Variants in TMEM132B observed in about 807,000 individuals in gnomAD.
The protein encoded by TMEM132B is transmembrane protein 132B.
TMEM132B carries 18 observed loss-of-function variants against 90.8 expected under a neutral mutation model. The observed-to-expected ratio is 0.20, with a 90% CI of 0.14 to 0.29. The LOEUF is 0.29. TMEM132B is among the 10% of genes least tolerant of loss of function. The pLI is 1.00. For synonymous variants in TMEM132B, 504 were observed against 523.3 expected (o/e 0.96, Z 0.50); for missense variants, 1,096 against 1,326.8 (o/e 0.83, Z 2.70).
At chr12:125,440,285 A>G (rs1352434195) in intron 3 of TMEM132B, among the ~76,000 whole-genome samples, 1 of 152,190 alleles carries the variant, frequency 6.6e-6, no homozygotes, top group African/African-American at 2.4e-5. Context: ...AGAAACACTC[A>G]CACCATTTAA....
intron 1 of TMEM132B, among the ~76,000 whole-genome samples, chr12:125,241,529 C>T (rs1181561821): frequency 2.6e-5 from 4 of 152,176 alleles, no homozygotes; most frequent in South Asian, 2.1e-4. Flanking sequence ...GGATGTGACT[C>T]GTGACTCGAG....
In TMEM132B at chr12:125,246,313, G is replaced by T. The variant is rs959055025; in HGVS notation, c.67+59447G>T. 6.6e-6 allele frequency among the ~76,000 whole-genome samples: 1 copy of T among 152,170 alleles called. No homozygotes were observed. Among genetic ancestry groups the T allele is most frequent in the Non-Finnish European group, 1.5e-5 (1 of 68,034 alleles). ...TTCCCTGCCACAGGGAACTCAAGCC[G>T]GTTTGGAGTTAGGGAGCAAGTTGAT... On this transcript the variant is annotated intron_variant, in intron 1 of 8. Transcript: ENST00000682704. This position sits in a 1 kb window ranked among gnomAD's most constrained non-coding sequence, Gnocchi z 4.2.
Position 125,629,750 on chromosome 12 carries a change from A to G in TMEM132B, c.1438-14326A>G, listed in dbSNP as rs1453124539. On this transcript the variant is annotated intron_variant, in intron 5 of 8. Coordinates refer to ENST00000682704, the MANE Select transcript of TMEM132B (RefSeq NM_001366854.1). Reference sequence around the variant, plus strand: ...GAGGAAGGGCTTTCAGTTTTTCCCTAATCAGTATAATACTAACTGTGGGTC... The same window carrying G: ...GAGGAAGGGCTTTCAGTTTTTCCCTGATCAGTATAATACTAACTGTGGGTC... Among the ~76,000 whole-genome samples the G allele has an allele frequency of 2.0e-5, 3 of 152,120 alleles. No individual in the cohort carries two copies. In the East Asian group the frequency reaches 5.8e-4, roughly 29 times the overall value.
intron 3 of TMEM132B, among the ~76,000 whole-genome samples, chr12:125,469,423 T>C (rs773503841): frequency 2.6e-5 from 4 of 152,256 alleles, no homozygotes; most frequent in African/African-American, 4.8e-5. Flanking sequence ...TGGCTTAGCA[T>C]GTGCCAGCCA....
intron 1 of TMEM132B, among the ~76,000 whole-genome samples, chr12:125,249,637 C>T (rs946233275): frequency 1.3e-5 from 2 of 152,204 alleles, no homozygotes; most frequent in Non-Finnish European, 2.9e-5. Flanking sequence ...GACAGGGGTT[C>T]TGCATCACTG....
At chr12:125,323,677 C>T (rs117182305) in intron 1 of TMEM132B, among the ~76,000 whole-genome samples, 1,661 of 152,216 alleles carry the variant, frequency 0.011, 16 homozygotes, top group Middle Eastern at 0.017. Context: ...CACCATGATG[C>T]CTGGCTAATT....
intron 5 of TMEM132B, among the ~76,000 whole-genome samples, chr12:125,609,954 TTTCTTAG>T (rs1474733083): frequency 6.8e-6 from 1 of 146,674 alleles, no homozygotes; most frequent in African/African-American, 2.6e-5. Flanking sequence ...TTTGTACCTC[TTTCTTAG>T]TTCATTCCTA....
intron 4 of TMEM132B, among the ~76,000 whole-genome samples, chr12:125,538,974 A>G (rs1883884849): frequency 6.6e-6 from 1 of 152,162 alleles, no homozygotes; most frequent in African/African-American, 2.4e-5. Context: ...CTCCACTGCC[A>G]GCACCCGAGC....
At chr12:125,625,130 C>CTT (rs1169262449) in intron 5 of TMEM132B, among the ~76,000 whole-genome samples, 1,330 of 103,820 alleles carry the variant, frequency 0.013, 94 homozygotes, top group African/African-American at 0.048. Context: ...GATTTGACTT[C>CTT]TTTTTTTTTT....
chr12:125,624,933 G>T (rs189571346), intron 5 of TMEM132B, among the ~76,000 whole-genome samples: 3 of 152,098 alleles, frequency 2.0e-5, no homozygotes, highest in East Asian at 1.9e-4. Context: ...TTCATGCATG[G>T]TCATATACTC....
intron 2 of TMEM132B, among the ~76,000 whole-genome samples, chr12:125,361,471 C>T (rs1877955871): frequency 6.6e-6 from 1 of 152,058 alleles, no homozygotes; most frequent in Non-Finnish European, 1.5e-5. Context: ...AGGAACAGTC[C>T]CCATGTGGCA....
intron 2 of TMEM132B, among the ~76,000 whole-genome samples, chr12:125,352,384 C>G (rs958849778): frequency 1.3e-5 from 2 of 152,206 alleles, no homozygotes; most frequent in African/African-American, 4.8e-5. Context: ...TAGGGGACTT[C>G]TATGTGCTGG....
rs951578725 is a variant in TMEM132B, at chr12:125,493,961, A to G, written c.1107-25478A>G. Among the ~76,000 whole-genome samples, 3 of 132,668 alleles carry G rather than the reference A, an allele frequency of 2.3e-5. No homozygotes were observed. In the Admixed American group the frequency reaches 2.4e-4, roughly 11 times the overall value. 87.0% of individuals were successfully genotyped at this position (132,668 alleles called of 152,430 possible). On this transcript the variant is annotated intron_variant, in intron 3 of 8. Coordinates refer to ENST00000682704, the MANE Select transcript of TMEM132B (RefSeq NM_001366854.1). The stretch of plus-strand genomic sequence containing the variant: ...GTTCCTCCTCCCCCTCCTCCCTGGA[A>G]ATGGCCGCATCCCTCCTCCCTCTTC...
chr12:125,259,708 AAT>A (rs1429975886), intron 1 of TMEM132B, among the ~76,000 whole-genome samples: 1 of 152,208 alleles, frequency 6.6e-6, no homozygotes, highest in Non-Finnish European at 1.5e-5. Context: ...GTGTCTGGAT[AAT>A]AGCCCTGGGA....
intron 1 of TMEM132B, among the ~76,000 whole-genome samples, chr12:125,280,478 G>C (rs1156566262): frequency 6.6e-6 from 1 of 152,228 alleles, no homozygotes; most frequent in East Asian, 1.9e-4. Context: ...AAATGCCAAT[G>C]GCTTAAAATA....
chr12:125,647,783 A>C (rs1241727343), intron 6 of TMEM132B, among the ~76,000 whole-genome samples: 3 of 152,164 alleles, frequency 2.0e-5, no homozygotes, highest in African/African-American at 2.4e-5. Flanking sequence ...AATAGGATAG[A>C]CTTTCCTTCG....
intron 1 of TMEM132B, among the ~76,000 whole-genome samples, chr12:125,335,973 C>T (rs370958521): frequency 6.6e-6 from 1 of 152,132 alleles, no homozygotes; most frequent in Admixed American, 6.5e-5. Context: ...GGCGACAGAG[C>T]AAGACTCCCC....
At chr12:125,200,099 G>C (rs777972797) in intron 1 of TMEM132B, among the ~76,000 whole-genome samples, 2 of 152,230 alleles carry the variant, frequency 1.3e-5, no homozygotes, top group Non-Finnish European at 2.9e-5. Context: ...TGAACCACCA[G>C]TGTTACAACC....
At chr12:125,555,719 A>ATAT (rs1011820020) in intron 4 of TMEM132B, among the ~76,000 whole-genome samples, 1 of 146,914 alleles carries the variant, frequency 6.8e-6, no homozygotes, top group Admixed American at 6.7e-5. Context: ...ATAGTAAAAA[A>ATAT]AAATATATAT....
Sources: allele counts gnomAD v4.1 joint callset (sites outside exome capture counted in the v4.1 genomes callset), GRCh38; gene constraint gnomAD v4.1.1; non-coding constraint Gnocchi (gnomAD v3.1); transcripts MANE v1.5; gene names NCBI Gene and HGNC (gene_info 2026-07-23, HGNC 2026-07-21).